The following HTR2A variants were observed in gnomAD, a reference collection of about 807,000 sequenced individuals.
The protein encoded by HTR2A is 5-HT2 receptor.
HTR2A carries 14 observed loss-of-function variants against 31.0 expected under a neutral mutation model. The observed-to-expected ratio is 0.45, with a 90% CI of 0.30 to 0.71. HTR2A has a LOEUF of 0.71. Ranked by LOEUF, HTR2A falls within the 30% of genes least tolerant of loss-of-function variation. HTR2A has a pLI of 0.09. For missense variants in HTR2A, 442 were observed against 573.3 expected, an observed-to-expected ratio of 0.77 and a Z score of 2.34; for synonymous variants, 209 against 225.2, an observed-to-expected ratio of 0.93 and a Z score of 0.64.
intron 3 of HTR2A, among the ~76,000 whole-genome samples, chr13:46,886,782 G>A (rs1951009707): frequency 6.6e-6 from 1 of 152,168 alleles, no homozygotes; most frequent in Admixed American, 6.5e-5. Flanking sequence ...GCAGTTGCCA[G>A]TTTGTTAAAG....
intron 3 of HTR2A, among the ~76,000 whole-genome samples, chr13:46,863,659 A>AAAG (rs57783460): frequency 6.6e-6 from 1 of 150,644 alleles, no homozygotes; most frequent in African/African-American, 2.4e-5. Context: ...AGAAAAAAAA[A>AAAG]AAAGACAGTC....
At chr13:46,894,275 G>A (rs1415486695) in intron 2 of HTR2A, among the ~76,000 whole-genome samples, 1 of 152,110 alleles carries the variant, frequency 6.6e-6, no homozygotes, top group African/African-American at 2.4e-5. Flanking sequence ...GGGTGACGCC[G>A]GGGGTCACCC....
intron 3 of HTR2A, among the ~76,000 whole-genome samples, chr13:46,882,866 A>G (rs962278632): frequency 6.6e-6 from 1 of 152,214 alleles, no homozygotes; most frequent in Admixed American, 6.5e-5. Context: ...AGTATATGAA[A>G]TAGAATCCAA....
At chr13:46,869,132 C>G (rs1950844742) in intron 3 of HTR2A, among the ~76,000 whole-genome samples, 1 of 152,038 alleles carries the variant, frequency 6.6e-6, no homozygotes, top group South Asian at 2.1e-4. Flanking sequence ...AGTATGTTAC[C>G]AAGACAGTGA....
At chr13:46,855,721 C>T (rs1036040667) in intron 3 of HTR2A, among the ~76,000 whole-genome samples, 3 of 151,942 alleles carry the variant, frequency 2.0e-5, no homozygotes, top group Non-Finnish European at 4.4e-5. Context: ...AGTACTGCTC[C>T]CCCAAAAATT....
intron 3 of HTR2A, among the ~76,000 whole-genome samples, chr13:46,868,390 T>C (rs935729506): frequency 4.6e-5 from 7 of 152,224 alleles, no homozygotes; most frequent in Non-Finnish European, 8.8e-5. Flanking sequence ...TAAAGGCAAT[T>C]GCCAAGAACA....
chr13:46,863,657 A>AGAAAG (rs1555298353), intron 3 of HTR2A, among the ~76,000 whole-genome samples: 1 of 118,256 alleles, frequency 8.5e-6, no homozygotes, highest in South Asian at 2.7e-4. Context: ...AAAGAAAAAA[A>AGAAAG]AAAAAGACAG....
intron 3 of HTR2A, among the ~76,000 whole-genome samples, chr13:46,866,924 A>G (rs140288968): frequency 0.012 from 1,818 of 152,148 alleles, 14 homozygotes; most frequent in South Asian, 0.034. Flanking sequence ...TTACTTGGGC[A>G]GCTGAGGCAG....
intron 3 of HTR2A, among the ~76,000 whole-genome samples, chr13:46,864,628 T>G (rs549755272): frequency 6.6e-6 from 1 of 152,190 alleles, no homozygotes; most frequent in Non-Finnish European, 1.5e-5. Context: ...AAACTACTTC[T>G]TGTCATTAAG....
intron 3 of HTR2A, among the ~76,000 whole-genome samples, chr13:46,855,157 A>G (rs1341499165): frequency 3.3e-5 from 5 of 152,060 alleles, no homozygotes; most frequent in East Asian, 1.9e-4. Context: ...CAGAATTCTG[A>G]CCTCCGGAAC....
chr13:46,887,101 T>G (rs770723983), intron 3 of HTR2A, among the ~76,000 whole-genome samples: 1 of 152,116 alleles, frequency 6.6e-6, no homozygotes, highest in Non-Finnish European at 1.5e-5. Context: ...ACATTTTATT[T>G]CAGTGTCCAG....
intron 3 of HTR2A, among the ~76,000 whole-genome samples, chr13:46,845,871 A>C: frequency 6.6e-6 from 1 of 152,232 alleles, no homozygotes; most frequent in Non-Finnish European, 1.5e-5. Context: ...TTCAGTCAAC[A>C]TCAGACTGCG....
chr13:46,869,373 A>G (rs1950846561), intron 3 of HTR2A, among the ~76,000 whole-genome samples: 1 of 152,146 alleles, frequency 6.6e-6, no homozygotes, highest in South Asian at 2.1e-4. Context: ...AATCAGAATC[A>G]CAATGAGATA....
At chr13:46,868,325 C>T (rs1566311723) in intron 3 of HTR2A, among the ~76,000 whole-genome samples, 1 of 152,324 alleles carries the variant, frequency 6.6e-6, no homozygotes, top group South Asian at 2.1e-4. Flanking sequence ...AAGTGGAAAG[C>T]TAAGCTCTGA....
chr13:46,849,530 C>T (rs1288368707), intron 3 of HTR2A, among the ~76,000 whole-genome samples: 3 of 152,184 alleles, frequency 2.0e-5, no homozygotes, highest in Non-Finnish European at 4.4e-5. Flanking sequence ...CACTCCCTTC[C>T]TTTCTTACTA....
intron 3 of HTR2A, among the ~76,000 whole-genome samples, chr13:46,841,380 T>C (rs1180547151): frequency 3.3e-5 from 5 of 152,158 alleles, no homozygotes; most frequent in Non-Finnish European, 7.4e-5. Flanking sequence ...ATTAAATTCA[T>C]TGAGGCCAGA....
intron 3 of HTR2A, among the ~76,000 whole-genome samples, chr13:46,885,648 A>G (rs1951000216): frequency 6.6e-6 from 1 of 152,232 alleles, no homozygotes; most frequent in African/African-American, 2.4e-5. Context: ...GTCAAGTTTT[A>G]ATAGCTTTTG....
At chr13:46,841,619 G>A (rs1044539008) in intron 3 of HTR2A, among the ~76,000 whole-genome samples, 14 of 152,078 alleles carry the variant, frequency 9.2e-5, no homozygotes, top group Admixed American at 9.2e-4. Context: ...TCTGTAAGCA[G>A]TTGTGCACTG....
At chr13:46,837,783 G>A (rs1950571694) in intron 3 of HTR2A, among the ~76,000 whole-genome samples, 1 of 152,232 alleles carries the variant, frequency 6.6e-6, no homozygotes, top group Non-Finnish European at 1.5e-5. Context: ...AAAGAACGCT[G>A]AGTTGATGTA....
Sources: allele counts gnomAD v4.1 joint callset (sites outside exome capture counted in the v4.1 genomes callset), GRCh38; gene constraint gnomAD v4.1.1; transcripts MANE v1.5; gene names NCBI Gene and HGNC (gene_info 2026-07-23, HGNC 2026-07-21).